Variants in C3orf20 observed in about 807,000 individuals in gnomAD.
C3orf20 encodes the protein uncharacterized protein C3orf20.
In C3orf20, 76 loss-of-function variants were observed where a neutral mutation model predicts 88.3. The ratio of observed to expected loss-of-function variants is 0.86; its 90% CI spans 0.72 to 1.04. C3orf20 has a LOEUF of 1.04. Among genes scored for constraint, C3orf20 ranks in the 50% least tolerant of loss-of-function variants. C3orf20 has a pLI of 0.00. For missense variants in C3orf20, 1,056 were observed against 1,123.3 expected, an observed-to-expected ratio of 0.94 and a Z score of 0.86; for synonymous variants, 436 against 437.4, an observed-to-expected ratio of 1.00 and a Z score of 0.04.
chr3:14,721,627 T>G (rs973539640), intron 9 of C3orf20, 26 bp from the exon 10 acceptor site: 3 of 1,612,908 alleles, frequency 1.9e-6, no homozygotes, highest in Non-Finnish European at 1.7e-6. Flanking sequence ...GCAGGGATTC[T>G]CTGAGTACTG....
intron 12 of C3orf20, among the ~76,000 whole-genome samples, chr3:14,732,295 G>A (rs1035143971): frequency 1.3e-5 from 2 of 152,106 alleles, no homozygotes; most frequent in East Asian, 3.8e-4. Context: ...ATTTTCTTTG[G>A]TGAAGTATCC....
At position 14,772,915 on chromosome 3, in the gene C3orf20, C is replaced by T. The variant is rs746062393; in HGVS notation, c.*40C>T. The T allele has an allele frequency of 8.4e-6, 13 of 1,544,618 alleles. No homozygotes were observed. Among genetic ancestry groups the T allele is most frequent in the Admixed American group, 3.4e-5 (2 of 59,698 alleles). On this transcript the variant is annotated 3_prime_UTR_variant, in exon 17 of 17. Coordinates refer to ENST00000253697, the MANE Select transcript of C3orf20 (RefSeq NM_032137.5). The surrounding 1 kb of genome is among the most constrained non-coding windows in gnomAD (Gnocchi z 4.2). ...CAGCCAAGTGAGCCAGGCCCCGGCC[C>T]GGGGTGCTGGGGCTTCTTGCCAGCC...
chr3:14,689,205 C>G (rs1399006547), intron 4 of C3orf20, among the ~76,000 whole-genome samples: 2 of 152,088 alleles, frequency 1.3e-5, no homozygotes, highest in Non-Finnish European at 2.9e-5. Flanking sequence ...CTTTTCATTT[C>G]TACCAAGTTA....
intron 5 of C3orf20, among the ~76,000 whole-genome samples, chr3:14,700,555 T>C (rs181453988): frequency 1.3e-5 from 2 of 152,250 alleles, no homozygotes; most frequent in Non-Finnish European, 2.9e-5. Context: ...TACATGTCTA[T>C]TGGCCTCTTG....
intron 4 of C3orf20, among the ~76,000 whole-genome samples, chr3:14,684,834 G>A (rs898293852): frequency 6.6e-6 from 1 of 152,134 alleles, no homozygotes; most frequent in Non-Finnish European, 1.5e-5. Context: ...TCCACAGGCT[G>A]CACTCGAGTC....
intron 1 of C3orf20, among the ~76,000 whole-genome samples, chr3:14,676,164 C>A (rs550830640): frequency 2.0e-5 from 3 of 150,500 alleles, no homozygotes; most frequent in Non-Finnish European, 4.4e-5. Context: ...AGCACCTCCC[C>A]GCACCCCACC....
At chr3:14,740,915 A>T (rs1021708411) in intron 12 of C3orf20, among the ~76,000 whole-genome samples, 2 of 152,166 alleles carry the variant, frequency 1.3e-5, no homozygotes, top group Non-Finnish European at 2.9e-5. Context: ...GTACATTTTA[A>T]TCATAGCTAC....
At chr3:14,711,145 G>A (rs1464392450) in intron 7 of C3orf20, among the ~76,000 whole-genome samples, 1 of 152,050 alleles carries the variant, frequency 6.6e-6, no homozygotes, top group Non-Finnish European at 1.5e-5. Context: ...TGATCCATCC[G>A]CCTTGGCCTC....
chr3:14,704,609 C>T lies in C3orf20; in HGVS notation c.1151C>T (p.Ser384Phe), dbSNP rs1450392190. The change falls in exon 7 of 17, where the codon TCC becomes TTC. Residue 384 changes from serine (S) to phenylalanine (F), a missense_variant. By Grantham distance (155) the Ser-to-Phe change is radical. Coordinates refer to ENST00000253697, the MANE Select transcript of C3orf20 (RefSeq NM_032137.5). ...KFHYTFYDGS[S>F]FVYYPSGNVA... ...CATTACACCTTCTATGATGGCTCCTCCTTCGTTTAGTATCCTTTTATTTGG... is the reference window on the plus strand; with the variant it reads ...CATTACACCTTCTATGATGGCTCCTTCTTCGTTTAGTATCCTTTTATTTGG... 4 of 1,613,406 alleles carry T rather than the reference C, an allele frequency of 2.5e-6. No individual in the cohort carries two copies. Among genetic ancestry groups the T allele is most frequent in the South Asian group, 1.1e-5 (1 of 91,086 alleles).
intron 7 of C3orf20, among the ~76,000 whole-genome samples, chr3:14,711,627 CTTTTT>C (rs35966332): frequency 1.4e-5 from 1 of 72,590 alleles, no homozygotes; most frequent in African/African-American, 4.8e-5. Context: ...ATCCTGCCAG[CTTTTT>C]TTTTTTTTTT....
chr3:14,730,535 A>G (rs2034508438), intron 12 of C3orf20, among the ~76,000 whole-genome samples: 1 of 151,926 alleles, frequency 6.6e-6, no homozygotes, highest in African/African-American at 2.4e-5. Flanking sequence ...TGACAGAGCG[A>G]GACTGTGTCT....
intron 10 of C3orf20, among the ~76,000 whole-genome samples, chr3:14,724,879 G>A (rs1157576276): frequency 6.6e-6 from 1 of 152,204 alleles, no homozygotes; most frequent in African/African-American, 2.4e-5. Flanking sequence ...TGGCAGTGCA[G>A]TAGAAGACTG....
intron 6 of C3orf20, among the ~76,000 whole-genome samples, chr3:14,703,732 T>C (rs1002075458): frequency 5.3e-5 from 8 of 152,192 alleles, no homozygotes; most frequent in African/African-American, 1.9e-4. Context: ...ATTTGCTAGA[T>C]GTTCTACCAG....
intron 14 of C3orf20, among the ~76,000 whole-genome samples, chr3:14,760,954 C>G (rs1374370642): frequency 6.6e-6 from 1 of 151,962 alleles, no homozygotes; most frequent in Non-Finnish European, 1.5e-5. Flanking sequence ...ACAAATAATG[C>G]CGTCATGAAT....
intron 3 of C3orf20, among the ~76,000 whole-genome samples, chr3:14,683,916 T>G (rs908854867): frequency 6.8e-6 from 1 of 146,284 alleles, no homozygotes; most frequent in Non-Finnish European, 1.5e-5. Flanking sequence ...CCTTCCAAAG[T>G]GAAGGTGTCA....
chr3:14,722,569 TAG>T (rs2034202570), intron 10 of C3orf20: 2 of 456,700 alleles, frequency 4.4e-6, no homozygotes, highest in African/African-American at 2.0e-5. Flanking sequence ...TCATCCCAGG[TAG>T]AGTCAGTCTC....
At position 14,768,515 on chromosome 3, in the gene C3orf20, G is replaced by A. The variant is rs1230988714; in HGVS notation, c.2496-3552G>A. 1.3e-5 allele frequency among the ~76,000 whole-genome samples: 2 copies of A among 152,044 alleles called. No homozygotes were observed. The highest frequency in any genetic ancestry group is 2.4e-5 in the African/African-American group (1 of 41,334). On this transcript the variant is annotated intron_variant, in intron 15 of 16. Coordinates refer to ENST00000253697, the MANE Select transcript of C3orf20 (RefSeq NM_032137.5). This position sits in a 1 kb window ranked among gnomAD's most constrained non-coding sequence, Gnocchi z 4.1. The stretch of plus-strand genomic sequence containing the variant: ...GAGCTAATGAAGGTTCTTGAGCTGA[G>A]AGAGACTTGATCAGAGTTGGGCTTT...
intron 14 of C3orf20, among the ~76,000 whole-genome samples, chr3:14,760,241 C>G (rs2035518122): frequency 6.6e-6 from 1 of 152,224 alleles, no homozygotes; most frequent in South Asian, 2.1e-4. Flanking sequence ...ACTGCAGGGA[C>G]AGGTGACATT....
intron 10 of C3orf20, among the ~76,000 whole-genome samples, chr3:14,725,607 C>T (rs145325944): frequency 1.3e-5 from 2 of 152,216 alleles, no homozygotes; most frequent in East Asian, 1.9e-4. Flanking sequence ...CAACTGGGGC[C>T]AAGAATCAGA....
Sources: allele counts gnomAD v4.1 joint callset (sites outside exome capture counted in the v4.1 genomes callset), GRCh38; gene constraint gnomAD v4.1.1; non-coding constraint Gnocchi (gnomAD v3.1); transcripts MANE v1.5; gene names NCBI Gene and HGNC (gene_info 2026-07-23, HGNC 2026-07-21).